Variants in ATP8A1 observed in about 807,000 individuals in gnomAD.
ATP8A1 encodes the protein ATPase phospholipid transporting 8A1.
In ATP8A1, 90 loss-of-function variants were observed where a neutral mutation model predicts 177.7. That is an observed-to-expected ratio of 0.51 (90% confidence interval 0.43 to 0.60). ATP8A1 has a LOEUF of 0.60. Ranked by LOEUF, ATP8A1 falls within the 20% of genes least tolerant of loss-of-function variation. ATP8A1 has a pLI of 0.00. For synonymous variants in ATP8A1, 493 were observed against 485.9 expected (o/e 1.01, Z -0.19); for missense variants, 1,072 against 1,392.8 (o/e 0.77, Z 3.67).
rs536527719 is a variant in ATP8A1, at chr4:42,477,572, C to T, written c.2324+7924G>A. Among the ~76,000 whole-genome samples, 345 of 152,232 alleles carry T rather than the reference C, an allele frequency of 2.3e-3. 1 individual carries two copies. The highest frequency in any genetic ancestry group is 3.8e-3 in the Non-Finnish European group (258 of 68,028). ...CATACAGAGGATATAGATTGCAGTACTTTTCATTGTAGCAAAGATTTGGAG... is the reference window on the plus strand; with the variant it reads ...CATACAGAGGATATAGATTGCAGTATTTTTCATTGTAGCAAAGATTTGGAG... On this transcript the variant is annotated intron_variant, in intron 25 of 36. Transcript: ENST00000381668.
At chr4:42,570,706 G>C (rs1419232802) in intron 14 of ATP8A1, among the ~76,000 whole-genome samples, 1 of 152,212 alleles carries the variant, frequency 6.6e-6, no homozygotes, top group Non-Finnish European at 1.5e-5. Context: ...TGTTATTGCT[G>C]CTCCAGAAGC....
intron 1 of ATP8A1, among the ~76,000 whole-genome samples, chr4:42,632,552 A>G (rs1223642174): frequency 1.3e-5 from 2 of 152,252 alleles, no homozygotes; most frequent in African/African-American, 4.8e-5. Flanking sequence ...TATAGGGAAT[A>G]GTCACATGTA....
intron 19 of ATP8A1, among the ~76,000 whole-genome samples, chr4:42,546,210 G>A (rs16854490): frequency 0.011 from 1,726 of 152,028 alleles, 33 homozygotes; most frequent in African/African-American, 0.039. Flanking sequence ...TAAGGATCCT[G>A]GTGATAAGCA....
At chr4:42,472,002 C>G in intron 25 of ATP8A1, 1 of 718,580 alleles carries the variant, frequency 1.4e-6, no homozygotes, top group Non-Finnish European at 2.7e-6. Context: ...AATCTTTGTT[C>G]CTGTTCCTCA....
At chr4:42,629,339 A>T (rs1448196201) in intron 1 of ATP8A1, among the ~76,000 whole-genome samples, 1 of 152,244 alleles carries the variant, frequency 6.6e-6, no homozygotes, top group African/African-American at 2.4e-5. Context: ...TGAGCACAGG[A>T]TTTCACAGAC....
chr4:42,488,340 G>T (rs1021739768), intron 24 of ATP8A1, among the ~76,000 whole-genome samples: 11 of 151,836 alleles, frequency 7.2e-5, no homozygotes, highest in Admixed American at 2.0e-4. Flanking sequence ...ATTAAGTAGT[G>T]ACATCAAAGT....
At chr4:42,541,821 A>G (rs1728419980) in intron 20 of ATP8A1, among the ~76,000 whole-genome samples, 1 of 152,184 alleles carries the variant, frequency 6.6e-6, no homozygotes, top group African/African-American at 2.4e-5. Flanking sequence ...AAAGGCAGTA[A>G]AAGGAACAGT....
chr4:42,613,189 A>G (rs1301073816), intron 5 of ATP8A1, among the ~76,000 whole-genome samples: 1 of 152,210 alleles, frequency 6.6e-6, no homozygotes, highest in Non-Finnish European at 1.5e-5. Context: ...GTTATCTCCT[A>G]TCAACTGCCA....
chr4:42,632,299 G>A (rs1738822271), intron 1 of ATP8A1, among the ~76,000 whole-genome samples: 1 of 152,112 alleles, frequency 6.6e-6, no homozygotes, highest in South Asian at 2.1e-4. Flanking sequence ...AATGAGCAAG[G>A]AAAAGACTTT....
chr4:42,432,787 C>CTGT (rs1199716193), intron 33 of ATP8A1, among the ~76,000 whole-genome samples: 3 of 152,180 alleles, frequency 2.0e-5, no homozygotes, highest in African/African-American at 7.2e-5. Context: ...CTGAGAAAGC[C>CTGT]TACAGACAAA....
At chr4:42,650,915 T>C (rs940228298) in intron 1 of ATP8A1, among the ~76,000 whole-genome samples, 5 of 152,190 alleles carry the variant, frequency 3.3e-5, no homozygotes, top group Non-Finnish European at 7.3e-5. Flanking sequence ...CTGCCTGATA[T>C]AGTTTGGCTG....
chr4:42,595,783 C>T (rs1016873999), intron 6 of ATP8A1, among the ~76,000 whole-genome samples: 2 of 152,160 alleles, frequency 1.3e-5, no homozygotes, highest in African/African-American at 2.4e-5. Flanking sequence ...TCTACACTAT[C>T]GTGTTAGAGT....
intron 1 of ATP8A1, among the ~76,000 whole-genome samples, chr4:42,635,383 G>A (rs1375242645): frequency 1.3e-5 from 2 of 152,062 alleles, no homozygotes; most frequent in African/African-American, 4.8e-5. Context: ...ATATTTAGGA[G>A]AGTGCAATTA....
chr4:42,483,585 T>C (rs749033230), intron 25 of ATP8A1, among the ~76,000 whole-genome samples: 4 of 152,168 alleles, frequency 2.6e-5, no homozygotes, highest in Admixed American at 1.3e-4. Context: ...CAGAGGTCCA[T>C]GTGACTTGTG....
chr4:42,555,159 TATC>T (rs1730047628), intron 16 of ATP8A1, among the ~76,000 whole-genome samples: 2 of 131,692 alleles, frequency 1.5e-5, no homozygotes, highest in South Asian at 2.5e-4. Context: ...TCTATCTATC[TATC>T]TATCTATCTA....
chr4:42,484,273 T>C (rs765792867), intron 25 of ATP8A1, among the ~76,000 whole-genome samples: 1 of 152,240 alleles, frequency 6.6e-6, no homozygotes, highest in Non-Finnish European at 1.5e-5. Context: ...GGATGACTAA[T>C]ATTAAACATC....
chr4:42,525,678 C>T (rs1022210606), intron 20 of ATP8A1, among the ~76,000 whole-genome samples: 1 of 152,052 alleles, frequency 6.6e-6, no homozygotes, highest in Non-Finnish European at 1.5e-5. Flanking sequence ...TGGTTTAGTG[C>T]TTTAAGAATT....
At chr4:42,532,727 G>A (rs1003757633) in intron 20 of ATP8A1, among the ~76,000 whole-genome samples, 1 of 152,198 alleles carries the variant, frequency 6.6e-6, no homozygotes, top group African/African-American at 2.4e-5. Context: ...CTGAGCCCAA[G>A]CTAAGCCATC....
chr4:42,545,633 C>G (rs914725486), intron 19 of ATP8A1, among the ~76,000 whole-genome samples: 1 of 152,198 alleles, frequency 6.6e-6, no homozygotes, highest in Non-Finnish European at 1.5e-5. Flanking sequence ...TCCCTCCTCA[C>G]CCCAGAAGCT....
Sources: gnomAD v4.1 joint callset for allele counts (sites outside exome capture counted in the v4.1 genomes callset) on GRCh38, gnomAD v4.1.1 for gene constraint, MANE v1.5 for transcripts, NCBI Gene and HGNC (gene_info 2026-07-23, HGNC 2026-07-21) for gene names.